Variants in TESMIN observed in about 807,000 individuals in gnomAD.
TESMIN encodes the protein testis expressed metallothionein like protein.
A neutral mutation model predicts 47.4 loss-of-function variants in TESMIN; 34 were observed. That is an observed-to-expected ratio of 0.72 (90% CI 0.55 to 0.96). The LOEUF (loss-of-function observed/expected upper bound fraction) is 0.96. Among genes scored for constraint, TESMIN ranks in the 40% least tolerant of loss-of-function variants. TESMIN has a pLI of 0.00. For missense variants in TESMIN, 610 were observed against 637.2 expected (o/e 0.96, Z 0.46); for synonymous variants, 278 against 258.9 (o/e 1.07, Z -0.71).
At chr11:68,723,557 C>A (rs1322579784) in intron 6 of TESMIN, among the ~76,000 whole-genome samples, 1 of 147,312 alleles carries the variant, frequency 6.8e-6, no homozygotes, top group Admixed American at 6.7e-5. Context: ...ATAATAAAGA[C>A]AGCAGTAAAA....
rs1358817749 is a variant in TESMIN at position 68,707,491 on chromosome 11, G to A, written c.*817C>T. On this transcript the variant is annotated 3_prime_UTR_variant, in exon 10 of 10. Coordinates refer to ENST00000255087, the MANE Select transcript of TESMIN (RefSeq NM_004923.3). ...TCTTTGCTTTACAACAGAACCAAAA[G>A]CGTCAACTTAAGAATTCATTTTACC... 2 of 182,284 alleles carry A rather than the reference G, an allele frequency of 1.1e-5. No homozygotes were observed. The highest frequency in any genetic ancestry group is 2.3e-5 in the African/African-American group (1 of 43,080). The allele number at this position is 182,284 out of a possible 1,614,324, so 11.3% of individuals were successfully genotyped here. A position where few individuals can be genotyped will look rare whatever the true frequency, so the allele number is the denominator to read the frequency against.
At chr11:68,725,421 T>C (rs1946250568) in intron 6 of TESMIN, among the ~76,000 whole-genome samples, 1 of 152,154 alleles carries the variant, frequency 6.6e-6, no homozygotes, top group Non-Finnish European at 1.5e-5. Context: ...CATCATTCCA[T>C]TAAAGACGCT....
chr11:68,739,799 C>T (rs1205422511), intron 5 of TESMIN, among the ~76,000 whole-genome samples: 1 of 152,236 alleles, frequency 6.6e-6, no homozygotes, highest in Non-Finnish European at 1.5e-5. Context: ...GGCCCTGAGA[C>T]AGGTGTCCCT....
chr11:68,740,264 C>T (rs1946440502), intron 5 of TESMIN, among the ~76,000 whole-genome samples: 1 of 152,214 alleles, frequency 6.6e-6, no homozygotes, highest in South Asian at 2.1e-4. Context: ...CCATGGACCA[C>T]ACTTTGGGTG....
intron 6 of TESMIN, among the ~76,000 whole-genome samples, chr11:68,718,170 G>A (rs1398816011): frequency 1.4e-5 from 2 of 146,898 alleles, no homozygotes; most frequent in Non-Finnish European, 3.0e-5. Context: ...CTCACCTGCA[G>A]CCCCCAGTCA....
intron 2 of TESMIN, 36 bp from the exon 3 acceptor site, chr11:68,747,402 G>T (rs1443154395): frequency 6.4e-7 from 1 of 1,552,208 alleles, no homozygotes; most frequent in Admixed American, 1.7e-5. Context: ...GAGAACACAT[G>T]GTGGACACTG....
chr11:68,731,962 T>C (rs1363445907), intron 6 of TESMIN, among the ~76,000 whole-genome samples: 1 of 152,242 alleles, frequency 6.6e-6, no homozygotes, highest in Non-Finnish European at 1.5e-5. Flanking sequence ...CCTTTTCCAG[T>C]GCCCAAAATG....
chr11:68,709,482 G>T (rs988188387), intron 9 of TESMIN, among the ~76,000 whole-genome samples: 5 of 152,244 alleles, frequency 3.3e-5, no homozygotes, highest in African/African-American at 9.6e-5. Flanking sequence ...GGTTCTGGAA[G>T]ACAAGTTGAA....
intron 6 of TESMIN, chr11:68,736,660 A>C (rs1946390249): frequency 1.0e-6 from 1 of 983,428 alleles, no homozygotes; most frequent in African/African-American, 1.7e-5. Context: ...TTTTCCTGGC[A>C]CACCGTTTAC....
intron 4 of TESMIN, among the ~76,000 whole-genome samples, chr11:68,744,670 G>T (rs1258004617): frequency 6.6e-6 from 1 of 152,158 alleles, no homozygotes; most frequent in Non-Finnish European, 1.5e-5. Context: ...TTTCAATCTA[G>T]GCACATCGAG....
At chr11:68,714,780 A>T (rs983569110) in intron 7 of TESMIN, among the ~76,000 whole-genome samples, 1 of 152,204 alleles carries the variant, frequency 6.6e-6, no homozygotes, top group Non-Finnish European at 1.5e-5. Flanking sequence ...TATTTGTAGG[A>T]AGGAAATGGC....
In TESMIN at chr11:68,747,290, T is replaced by C. The variant is rs746620775; in HGVS notation, c.548A>G (p.Gln183Arg). ...EEATLQNLLAQESCCKFPSSQ... is the reference protein window; with the variant it reads ...EEATLQNLLARESCCKFPSSQ... ...CGATGGGAACTTGCAACAGGATTCC[T>C]GAGCAAGAAGATTCTGCAAAGTTGC... is the stretch of plus-strand genomic sequence containing the variant. Residue 183 changes from glutamine to arginine, a missense_variant, in exon 3 of 10, where the codon CAG becomes CGG. Transcript: ENST00000255087. 2.5e-6 allele frequency: 4 copies of C among 1,614,024 alleles called. 1 individual carries two copies. In the South Asian group the frequency reaches 4.4e-5, roughly 18 times the overall value.
In TESMIN at chr11:68,708,170, G is replaced by A. The variant is rs969759884; in HGVS notation, c.*138C>T. 12 of 811,302 alleles carry A rather than the reference G, an allele frequency of 1.5e-5. No homozygotes were observed. Among genetic ancestry groups the A allele is most frequent in the Admixed American group, 5.5e-5 (2 of 36,246 alleles). The allele number at this position is 811,302 out of a possible 1,614,324, so 50.3% of individuals were successfully genotyped here. ...GGTTGCCACATCTTCAGAGAGCTCT[G>A]AGTAAACTCCCTGGGCCCAGGGATG... On this transcript the variant is annotated 3_prime_UTR_variant, in exon 10 of 10. Coordinates refer to ENST00000255087, the MANE Select transcript of TESMIN (RefSeq NM_004923.3).
At chr11:68,744,121 G>C (rs1054239459) in intron 4 of TESMIN, among the ~76,000 whole-genome samples, 2 of 152,198 alleles carry the variant, frequency 1.3e-5, no homozygotes, top group East Asian at 3.9e-4. Flanking sequence ...TCTGTCCCTG[G>C]ACAGGGAGAC....
chr11:68,730,624 G>A (rs186883400), intron 6 of TESMIN, among the ~76,000 whole-genome samples: 15 of 152,032 alleles, frequency 9.9e-5, no homozygotes, highest in Admixed American at 4.6e-4. Flanking sequence ...GTGAAACCTC[G>A]TCTCTATTAA....
At chr11:68,709,089 A>AAAAGAAAG (rs59677985) in intron 9 of TESMIN, among the ~76,000 whole-genome samples, 9,486 of 150,106 alleles carry the variant, frequency 0.063, 338 homozygotes, top group Middle Eastern at 0.14. Flanking sequence ...GAAAGAAAAG[A>AAAAGAAAG]AAAGAAAGAA....
downstream of TESMIN, among the ~76,000 whole-genome samples, chr11:68,705,119 C>T (rs1313631801): frequency 1.3e-5 from 2 of 152,170 alleles, no homozygotes; most frequent in African/African-American, 2.4e-5. Flanking sequence ...GAGTGCAGCA[C>T]GGAGACCGCA....
intron 5 of TESMIN, among the ~76,000 whole-genome samples, chr11:68,741,570 G>T (rs1946456926): frequency 6.6e-6 from 1 of 152,200 alleles, no homozygotes; most frequent in African/African-American, 2.4e-5. Flanking sequence ...GGGCGGAGTT[G>T]TGTGTTTTGT....
downstream of TESMIN, among the ~76,000 whole-genome samples, chr11:68,705,176 C>T (rs553777381): frequency 6.6e-6 from 1 of 152,210 alleles, no homozygotes; most frequent in Non-Finnish European, 1.5e-5. Flanking sequence ...TCCTAAAGAG[C>T]GCGCCGCCTG....
Sources: allele counts gnomAD v4.1 joint callset (sites outside exome capture counted in the v4.1 genomes callset), GRCh38; gene constraint gnomAD v4.1.1; transcripts MANE v1.5; gene names NCBI Gene and HGNC (gene_info 2026-07-23, HGNC 2026-07-21).